Variants in UTRN observed in about 807,000 individuals in gnomAD.
The protein encoded by UTRN is utrophin.
A neutral mutation model predicts 463.9 loss-of-function variants in UTRN; 283 were observed. That is an observed-to-expected ratio of 0.61 (90% CI 0.55 to 0.67). The LOEUF is 0.67. Ranked by LOEUF, UTRN falls within the 30% of genes least tolerant of loss-of-function variation. The pLI is 0.00. For missense variants in UTRN, 3,922 were observed against 4,084.3 expected, an observed-to-expected ratio of 0.96 and a Z score of 1.08; for synonymous variants, 1,442 against 1,431.5, an observed-to-expected ratio of 1.01 and a Z score of -0.17.
intron 9 of UTRN, among the ~76,000 whole-genome samples, chr6:144,432,346 A>T (rs1346971133): frequency 6.6e-6 from 1 of 151,988 alleles, no homozygotes; most frequent in African/African-American, 2.4e-5. Flanking sequence ...ATCAAAATAC[A>T]ACTCTCTGTC....
intron 23 of UTRN, among the ~76,000 whole-genome samples, chr6:144,469,132 ATTTGAAACAGTTAC>A (rs1487980317): frequency 2.0e-5 from 3 of 152,188 alleles, no homozygotes; most frequent in Non-Finnish European, 4.4e-5. Flanking sequence ...AGCAGTAGCC[ATTTGAAACAGTTAC>A]TTTGAAACAG....
At chr6:144,345,057 A>G (rs1777452847) in intron 2 of UTRN, among the ~76,000 whole-genome samples, 1 of 152,202 alleles carries the variant, frequency 6.6e-6, no homozygotes, top group Non-Finnish European at 1.5e-5. Context: ...TCATGCATGA[A>G]TGTTGTCACT....
intron 51 of UTRN, among the ~76,000 whole-genome samples, chr6:144,642,560 A>C (rs575227892): frequency 6.6e-6 from 1 of 152,286 alleles, no homozygotes; most frequent in Admixed American, 6.5e-5. Flanking sequence ...GTTCGTCTAG[A>C]GATAAAATGT....
chr6:144,803,607 T>A (rs1288464398), intron 65 of UTRN, among the ~76,000 whole-genome samples: 1 of 152,048 alleles, frequency 6.6e-6, no homozygotes, highest in Non-Finnish European at 1.5e-5. Flanking sequence ...TTATGTATCT[T>A]TTTCCCTGAT....
intron 51 of UTRN, among the ~76,000 whole-genome samples, chr6:144,616,689 T>C (rs1425731854): frequency 6.6e-6 from 1 of 152,190 alleles, no homozygotes; most frequent in Non-Finnish European, 1.5e-5. Context: ...CCTCTAAAAA[T>C]ACCCAGAATG....
chr6:144,722,102 G>A (rs1356745383), intron 53 of UTRN, among the ~76,000 whole-genome samples: 2 of 152,006 alleles, frequency 1.3e-5, no homozygotes, highest in African/African-American at 4.8e-5. Context: ...GTTGCTAGGT[G>A]TCTCTCCCAT....
chr6:144,490,106 C>G lies in UTRN; in HGVS notation c.4170C>G (p.Thr1390=). ...IQAEISAHEL[T]LEELRRNMRS... is the part of the protein sequence containing the mutation. ...CAGAGATCTCAGCCCATGAGCTAAC[C>G]CTAGAGGAGTTGAGAAGAAATATGC... The change falls in exon 31 of 75, where the codon ACC becomes ACG. Residue 1390 remains threonine (T), a synonymous_variant. Coordinates refer to ENST00000367545, the MANE Select transcript of UTRN (RefSeq NM_007124.3). 1 of 1,613,558 alleles carries G rather than the reference C, an allele frequency of 6.2e-7. No homozygotes were observed. The highest frequency in any genetic ancestry group is 1.3e-5 in the African/African-American group (1 of 74,954).
intron 23 of UTRN, among the ~76,000 whole-genome samples, chr6:144,469,703 C>CT (rs545551155): frequency 0.12 from 16,782 of 135,652 alleles, 1,178 homozygotes; most frequent in South Asian, 0.24. Flanking sequence ...TGTTTCTTTC[C>CT]TTTTTTTTTT....
At chr6:144,407,572 A>T (rs1584654178) in intron 3 of UTRN, among the ~76,000 whole-genome samples, 1 of 152,256 alleles carries the variant, frequency 6.6e-6, no homozygotes, top group Non-Finnish European at 1.5e-5. Flanking sequence ...TTTACCCAAT[A>T]CAATTCTTCA....
intron 2 of UTRN, among the ~76,000 whole-genome samples, chr6:144,371,242 T>A (rs1324300685): frequency 6.6e-6 from 1 of 152,234 alleles, no homozygotes; most frequent in Non-Finnish European, 1.5e-5. Flanking sequence ...TTATTTATAT[T>A]GTTTACAGGT....
intron 65 of UTRN, among the ~76,000 whole-genome samples, chr6:144,809,531 T>C (rs758201262): frequency 2.6e-5 from 4 of 152,064 alleles, no homozygotes; most frequent in Non-Finnish European, 5.9e-5. Flanking sequence ...ATTTATAATA[T>C]AAGAAGTGAG....
intron 51 of UTRN, among the ~76,000 whole-genome samples, chr6:144,629,267 T>C (rs1776266500): frequency 6.6e-6 from 1 of 152,004 alleles, no homozygotes; most frequent in Admixed American, 6.6e-5. Context: ...TAGTAAAAAA[T>C]CTAGTGTACT....
At chr6:144,603,758 G>A (rs1365582268) in intron 51 of UTRN, among the ~76,000 whole-genome samples, 1 of 152,140 alleles carries the variant, frequency 6.6e-6, no homozygotes, top group Non-Finnish European at 1.5e-5. Flanking sequence ...CCTAGTCATT[G>A]ATATATCCAT....
chr6:144,389,046 T>A (rs903308676), intron 2 of UTRN, among the ~76,000 whole-genome samples: 1 of 152,190 alleles, frequency 6.6e-6, no homozygotes, highest in African/African-American at 2.4e-5. Flanking sequence ...GAGGTCCTGA[T>A]GATATGTTCC....
chr6:144,442,844 C>T (rs1225611929), intron 13 of UTRN, among the ~76,000 whole-genome samples: 2 of 152,168 alleles, frequency 1.3e-5, no homozygotes, highest in Admixed American at 1.3e-4. Flanking sequence ...ATTAAGTGAT[C>T]CACTGACTTC....
At position 144,827,672 on chromosome 6, in the gene UTRN, A is replaced by G. The variant is rs1780304914; in HGVS notation, c.9595A>G (p.Thr3199Ala). 6.2e-7 allele frequency: 1 copy of G among 1,613,522 alleles called. No individual in the cohort carries two copies. The highest frequency in any genetic ancestry group is 1.3e-5 in the African/African-American group (1 of 74,894). ...DTHSRIEQYATRLAQMERTNG... is the reference protein window; with the variant it reads ...DTHSRIEQYAARLAQMERTNG... ...CCATTCAAGAATAGAACAATATGCC[A>G]CACGGTAAGAAACTTTGATCAGAGC... The change falls in exon 68 of 75, where the codon ACA becomes GCA. Residue 3199 changes from threonine (T) to alanine (A), a missense_variant. Transcript: ENST00000367545.
At chr6:144,646,549 A>T (rs918156644) in intron 51 of UTRN, among the ~76,000 whole-genome samples, 2 of 152,146 alleles carry the variant, frequency 1.3e-5, no homozygotes, top group African/African-American at 4.8e-5. Flanking sequence ...TATATTAAGG[A>T]AATATAAGAT....
At chr6:144,330,900 C>G (rs1776286631) in intron 2 of UTRN, 1 of 985,270 alleles carries the variant, frequency 1.0e-6, no homozygotes, top group African/African-American at 1.7e-5. Context: ...TTTGTGACTT[C>G]AGAAATCATG....
intron 2 of UTRN, among the ~76,000 whole-genome samples, chr6:144,300,840 A>T (rs1805179516): frequency 6.6e-6 from 1 of 152,244 alleles, no homozygotes. Context: ...ACTGCAAAAT[A>T]AAAGTAATAA....
Sources: gnomAD v4.1 joint callset for allele counts (sites outside exome capture counted in the v4.1 genomes callset) on GRCh38, gnomAD v4.1.1 for gene constraint, MANE v1.5 for transcripts, NCBI Gene and HGNC (gene_info 2026-07-23, HGNC 2026-07-21) for gene names.